Variants in VPS9D1 observed in about 807,000 individuals in gnomAD.
VPS9D1 encodes the protein VPS9 domain containing 1, also known as VPS9 domain-containing protein 1.
Under a neutral mutation model 75.8 loss-of-function variants are expected in VPS9D1, and 78 were observed. The observed-to-expected ratio is 1.03, with a 90% CI of 0.86 to 1.24. The LOEUF (loss-of-function observed/expected upper bound fraction) is 1.24, where lower values mean the gene tolerates loss of function less well. Among genes scored for constraint, VPS9D1 ranks in the 50% most tolerant of loss-of-function variants. The probability of loss-of-function intolerance (pLI) is 0.00; values close to 1 mark genes in which losing one functional copy is unlikely to be tolerated. For missense variants in VPS9D1, 1,057 were observed against 847.7 expected (o/e 1.25, Z -3.07); for synonymous variants, 481 against 385.6 (o/e 1.25, Z -2.90).
In VPS9D1 at chr16:89,720,834, C is replaced by G. The variant is rs912640743; in HGVS notation, c.28G>C (p.Val10Leu). 17 of 1,437,178 alleles carry G rather than the reference C, an allele frequency of 1.2e-5. No individual in the cohort carries two copies. Among genetic ancestry groups the G allele is most frequent in the Non-Finnish European group, 1.6e-5 (17 of 1,089,714 alleles). The allele number at this position is 1,437,178 out of a possible 1,614,324, so 89.0% of individuals were successfully genotyped here. The change falls in exon 1 of 15, where the codon GTG becomes CTG. Residue 10 changes from valine (V) to leucine (L), a missense_variant. Coordinates refer to ENST00000389386, the MANE Select transcript of VPS9D1 (RefSeq NM_004913.3). The part of the protein sequence containing the change: MAAAAGDGT[V>L]KPLQSAMKLA... ...TTCATGGCGCTCTGCAGCGGCTTCA[C>G]CGTGCCGTCCCCGGCCGCAGCGGCC... is the stretch of plus-strand genomic sequence containing the variant.
At chr16:89,718,838 C>A (rs1436933765) in intron 2 of VPS9D1, among the ~76,000 whole-genome samples, 189 bp downstream of exon 2, 2 of 152,004 alleles carry the variant, frequency 1.3e-5, no homozygotes, top group Admixed American at 1.3e-4. Flanking sequence ...CTCAGCCTCC[C>A]GAGTAGCTGG....
chr16:89,708,579 C>T, intron 13 of VPS9D1, 48 bp from the exon 14 acceptor site: 2 of 1,563,966 alleles, frequency 1.3e-6, no homozygotes, highest in Non-Finnish European at 1.7e-6. Context: ...GAGCCTCTCA[C>T]TCCGCAAACC....
rs2061247126 is a variant in VPS9D1, at chr16:89,720,876, G to A, written c.-15C>T. ...GCAGCGGCCATGGCGCCGAGCGGGG[G>A]AGGCGGCGGCGGTAGCCGAGGGGCT... On this transcript the variant is annotated 5_prime_UTR_variant, in exon 1 of 15. Transcript: ENST00000389386. 2 of 1,354,424 alleles carry A rather than the reference G, an allele frequency of 1.5e-6. No individual in the cohort carries two copies. The highest frequency in any genetic ancestry group is 9.5e-7 in the Non-Finnish European group (1 of 1,050,284). 83.9% of individuals were successfully genotyped at this position (1,354,424 alleles called of 1,614,324 possible). A position where few individuals can be genotyped will look rare whatever the true frequency, so the allele number is the denominator to read the frequency against.
Position 89,716,618 on chromosome 16 carries a change from G to A in VPS9D1, c.275C>T (p.Thr92Ile), listed in dbSNP as rs1268551292. ...TGCAGGCATGGTTGGCTTCAGGCGT[G>A]TTTTCCCTGCAAGCCATGGGTAACC... ...AQSTAAKLGK[T>I]RLKPTMPAAA... Residue 92 changes from threonine (T) to isoleucine (I), a missense_variant, in exon 4 of 15, where the codon ACA (threonine) becomes ATA (isoleucine). Transcript: ENST00000389386. 2 of 1,612,826 alleles carry A rather than the reference G, an allele frequency of 1.2e-6. No homozygotes were observed. Among genetic ancestry groups the A allele is most frequent in the Non-Finnish European group, 1.7e-6 (2 of 1,179,228 alleles).
At chr16:89,717,860 G>GC (rs1475104997) in intron 2 of VPS9D1, 1 of 448,290 alleles carries the variant, frequency 2.2e-6, no homozygotes, top group Non-Finnish European at 4.5e-6. Context: ...TCCAGTGGCT[G>GC]CCCCGACCTC....
chr16:89,713,519 A>G (rs996366890), intron 4 of VPS9D1, among the ~76,000 whole-genome samples: 16 of 151,626 alleles, frequency 1.1e-4, no homozygotes, highest in African/African-American at 3.6e-4. Context: ...CTCCCAAAGT[A>G]CTGGGATTAC....
chr16:89,711,798 C>A, intron 8 of VPS9D1, 84 bp downstream of exon 8: 1 of 1,471,394 alleles, frequency 6.8e-7, no homozygotes, highest in Admixed American at 2.1e-5. Context: ...GGCTCCGCCC[C>A]CCACGGGGGC....
At position 89,707,749 on chromosome 16, in the gene VPS9D1, A is replaced by G. The variant is rs1385107349; in HGVS notation, c.*112T>C. 3.3e-6 allele frequency: 3 copies of G among 904,144 alleles called. No individual in the cohort carries two copies. Among genetic ancestry groups the G allele is most frequent in the Non-Finnish European group, 5.2e-6 (3 of 571,982 alleles). The allele number at this position is 904,144 out of a possible 1,614,324, so 56.0% of individuals were successfully genotyped here. On this transcript the variant is annotated 3_prime_UTR_variant, in exon 15 of 15. Transcript: ENST00000389386. ...GTGGACAAGCCCCCACCATGTGCAG[A>G]GCAGCGTGAGGCTCCAGGATGGTCC...
At chr16:89,711,151 C>CGGGG in intron 9 of VPS9D1, 141 bp from the exon 10 acceptor site, 2 of 1,202,684 alleles carry the variant, frequency 1.7e-6, no homozygotes, top group Non-Finnish European at 2.3e-6. Flanking sequence ...CCCCCGCCCC[C>CGGGG]GCTGGGGAGG....
intron 9 of VPS9D1, 26 bp downstream of exon 9, chr16:89,711,301 T>A (rs770469257): frequency 6.9e-6 from 11 of 1,590,348 alleles, no homozygotes; most frequent in Non-Finnish European, 9.4e-6. Flanking sequence ...GCGCAGGGGC[T>A]CTGTGGGGCC....
chr16:89,720,693 G>T lies in VPS9D1; in HGVS notation c.99+70C>A, dbSNP rs2061238282. The T allele has an allele frequency of 3.8e-6, 5 of 1,313,590 alleles. No individual in the cohort carries two copies. In the South Asian group the frequency reaches 8.2e-5, roughly 21 times the overall value. The allele number at this position is 1,313,590 out of a possible 1,614,324, so 81.4% of individuals were successfully genotyped here. A position where few individuals can be genotyped will look rare whatever the true frequency, so the allele number is the denominator to read the frequency against. On this transcript the variant is annotated intron_variant, in intron 1 of 14. Transcript: ENST00000389386. The stretch of plus-strand genomic sequence containing the variant: ...TCCAGCCCGAGCCGGCCCCGTCCTC[G>T]CCCTCCCCGGGCGGGGGTCCCTCCA...
Position 89,716,488 on chromosome 16 carries a change from CT to C in VPS9D1, c.404del (p.Gln135ArgfsTer12). 1 of 1,614,118 alleles carries C rather than the reference CT, an allele frequency of 6.2e-7. No individual in the cohort carries two copies. Among genetic ancestry groups the C allele is most frequent in the East Asian group, 2.2e-5 (1 of 44,886 alleles). ...FLPPEIFQKL[Q>X]GAESQSCKKE... ...TCTTACAGCTTTGTGACTCTGCCCC[CT>C]GAAGCTTCTGGAAGATCTCGGGTGG... On this transcript the variant is annotated frameshift_variant, in exon 4 of 15. Transcript: ENST00000389386. LOFTEE classifies it high-confidence loss of function.
chr16:89,707,978 G>C, intron 14 of VPS9D1, 24 bp from the exon 15 acceptor site: 1 of 1,606,062 alleles, frequency 6.2e-7, no homozygotes, highest in Non-Finnish European at 8.5e-7. Context: ...AGGGGCAGCC[G>C]GTGTCATCTG....
rs2060972484 is a variant in VPS9D1, at chr16:89,712,946, G to A, written c.432-230C>T. ...CGCCTCTAATGCCAGCACTTTAGGAGGCTAAGGCCGGGCGGATCACCTGAG... is the reference window on the plus strand; with the variant it reads ...CGCCTCTAATGCCAGCACTTTAGGAAGCTAAGGCCGGGCGGATCACCTGAG... On this transcript the variant is annotated intron_variant, in intron 4 of 14. Transcript: ENST00000389386. The A allele has an allele frequency of 7.3e-6, 3 of 408,954 alleles. No individual in the cohort carries two copies. The South Asian group carries it at 1.2e-4, about 16-fold the overall frequency. The allele number at this position is 408,954 out of a possible 1,614,324, so 25.3% of individuals were successfully genotyped here. A position where few individuals can be genotyped will look rare whatever the true frequency, so the allele number is the denominator to read the frequency against.
Position 89,716,548 on chromosome 16 carries a change from G to A in VPS9D1, c.345C>T (p.Tyr115=), listed in dbSNP as rs763027425. Residue 115 remains tyrosine, a synonymous_variant, in exon 4 of 15, where the codon TAC becomes TAT. Transcript: ENST00000389386. ...PQPAGRHRRV[Y]SDEGGKLSPF... The stretch of plus-strand genomic sequence containing the variant: ...GAGAGAGCTTTCCTCCTTCATCGGA[G>A]TATACACGGCGGTGTCGGCCGGCAG... The A allele has an allele frequency of 3.1e-6, 5 of 1,613,992 alleles. No individual in the cohort carries two copies. The Admixed American group carries it at 5.0e-5, about 16-fold the overall frequency.
chr16:89,714,001 A>G (rs1353654681), intron 4 of VPS9D1, among the ~76,000 whole-genome samples: 2 of 152,062 alleles, frequency 1.3e-5, no homozygotes, highest in African/African-American at 2.4e-5. Context: ...CAGTGACACA[A>G]TCTCAACTCA....
intron 2 of VPS9D1, chr16:89,717,491 C>T (rs1222117586): frequency 2.2e-6 from 1 of 449,232 alleles, no homozygotes; most frequent in Non-Finnish European, 4.5e-6. Flanking sequence ...CTCACACAGC[C>T]CTTCTGCGCG....
Position 89,707,873 on chromosome 16 carries a change from G to A in VPS9D1, c.1884C>T (p.Gly628=). The A allele has an allele frequency of 6.2e-7, 1 of 1,613,082 alleles. No individual in the cohort carries two copies. Among genetic ancestry groups the A allele is most frequent in the Non-Finnish European group, 8.5e-7 (1 of 1,179,934 alleles). ...LSYVELLPRG[G]LAK The stretch of plus-strand genomic sequence containing the variant: ...GGCTCTAGCTGTACTACTTGGCCAG[G>A]CCTCCCCGGGGCAGCAGCTCCACGT... Residue 628 remains glycine (G), a synonymous_variant, in exon 15 of 15, where the codon GGC becomes GGT. Coordinates refer to ENST00000389386, the MANE Select transcript of VPS9D1 (RefSeq NM_004913.3).
At position 89,711,416 on chromosome 16, in the gene VPS9D1, CG is replaced by C. The variant is rs776236649; in HGVS notation, c.748-5del. The C allele has an allele frequency of 5.6e-6, 9 of 1,602,896 alleles. No individual in the cohort carries two copies. The highest frequency in any genetic ancestry group is 6.8e-6 in the Non-Finnish European group (8 of 1,174,972). ...CCTTCCAGTGCTTCGGCCAGTCCTA[CG>C]GGACAGGGGGCCTTGAAGGAAAGCA... On this transcript the variant is annotated splice_region_variant and splice_polypyrimidine_tract_variant and intron_variant, in intron 8 of 14. Coordinates refer to ENST00000389386, the MANE Select transcript of VPS9D1 (RefSeq NM_004913.3).
Sources: allele counts gnomAD v4.1 joint callset (sites outside exome capture counted in the v4.1 genomes callset), GRCh38; gene constraint gnomAD v4.1.1; transcripts MANE v1.5; gene names NCBI Gene and HGNC (gene_info 2026-07-23, HGNC 2026-07-21).